The following CCR5AS variants were observed in gnomAD, a reference collection of about 807,000 sequenced individuals.
The protein encoded by CCR5AS is CCR5 antisense RNA.
At chr3:46,364,677 T>C (rs1271335849) in exon 4 of CCR5AS, among the ~76,000 whole-genome samples, 6 of 152,012 alleles carry the variant, frequency 3.9e-5, no homozygotes, top group Non-Finnish European at 8.8e-5. Flanking sequence ...ATAGCTACCA[T>C]TGATAGTGAT....
chr3:46,399,944 T>C (rs1701992427), intron 1 of CCR5AS, among the ~76,000 whole-genome samples: 1 of 152,162 alleles, frequency 6.6e-6, no homozygotes, highest in Admixed American at 6.5e-5. Flanking sequence ...TAGTTGAAGA[T>C]CTTAAATTAC....
At chr3:46,365,607 T>C (rs1156290792) in intron 3 of CCR5AS, among the ~76,000 whole-genome samples, 1 of 152,210 alleles carries the variant, frequency 6.6e-6, no homozygotes, top group African/African-American at 2.4e-5. Flanking sequence ...AACTGGCCAC[T>C]GCCACAGTCC....
chr3:46,401,630 G>A lies in CCR5AS; in HGVS notation n.163+5267C>T, dbSNP rs1702006621. ...ATGGAGTGGGAGCAGCCCACGGAGG[G>A]CACAGCCTTGGCATGAACGCAGACA... On this transcript the variant is annotated intron_variant and non_coding_transcript_variant, in intron 1 of 3. Transcript: ENST00000451485. Among the ~76,000 whole-genome samples the A allele has an allele frequency of 2.6e-5, 4 of 152,342 alleles. No homozygotes were observed. In the South Asian group the frequency reaches 6.2e-4, roughly 24 times the overall value.
chr3:46,374,216 T>C (rs998083568), intron 2 of CCR5AS: 11 of 343,966 alleles, frequency 3.2e-5, no homozygotes, highest in Middle Eastern at 8.1e-4. Flanking sequence ...TTCACATGCA[T>C]CAAGTTATTG....
At chr3:46,405,654 G>A (rs889251293) in intron 1 of CCR5AS, among the ~76,000 whole-genome samples, 4 of 152,044 alleles carry the variant, frequency 2.6e-5, no homozygotes, top group Non-Finnish European at 4.4e-5. Context: ...ACTCACAGGA[G>A]ACCCACACAA....
chr3:46,391,584 G>A (rs1701914737), intron 2 of CCR5AS, among the ~76,000 whole-genome samples: 1 of 152,170 alleles, frequency 6.6e-6, no homozygotes, highest in African/African-American at 2.4e-5. Flanking sequence ...ATGAAAAAGA[G>A]CCTAAACGCT....
chr3:46,398,554 C>A (rs17782618), intron 1 of CCR5AS, among the ~76,000 whole-genome samples: 10,432 of 152,164 alleles, frequency 0.069, 536 homozygotes, highest in South Asian at 0.2. Flanking sequence ...AGAGCCAATT[C>A]GGTATATACA....
intron 1 of CCR5AS, among the ~76,000 whole-genome samples, chr3:46,396,134 A>G (rs561519670): frequency 3.3e-5 from 5 of 152,298 alleles, no homozygotes; most frequent in Admixed American, 6.5e-5. Flanking sequence ...TACTAAAGGG[A>G]ATATTTTTTA....
At chr3:46,393,509 A>T (rs975294998) in intron 1 of CCR5AS, among the ~76,000 whole-genome samples, 5 of 152,138 alleles carry the variant, frequency 3.3e-5, no homozygotes, top group Admixed American at 2.0e-4. Context: ...GAAGAAAAAA[A>T]AATTTTTTTT....
At chr3:46,399,073 T>G (rs553075634) in intron 1 of CCR5AS, among the ~76,000 whole-genome samples, 1 of 152,228 alleles carries the variant, frequency 6.6e-6, no homozygotes, top group African/African-American at 2.4e-5. Context: ...TACACTACAC[T>G]GTCATCTTCA....
intron 2 of CCR5AS, chr3:46,372,825 G>A: frequency 2.7e-6 from 3 of 1,092,562 alleles, no homozygotes; most frequent in Non-Finnish European, 4.0e-6. Context: ...AAAACAGTTT[G>A]CATTCATGGA....
intron 2 of CCR5AS, among the ~76,000 whole-genome samples, chr3:46,390,170 G>T (rs926734622): frequency 6.6e-6 from 1 of 152,176 alleles, no homozygotes; most frequent in Non-Finnish European, 1.5e-5. Context: ...GAGTTGTTGG[G>T]ACTGGTGGGT....
At chr3:46,397,501 A>G (rs1701970921) in intron 1 of CCR5AS, among the ~76,000 whole-genome samples, 1 of 152,218 alleles carries the variant, frequency 6.6e-6, no homozygotes, top group African/African-American at 2.4e-5. Flanking sequence ...GCCTGGTGCC[A>G]GTGAGAGCAG....
intron 2 of CCR5AS, among the ~76,000 whole-genome samples, chr3:46,377,790 CT>C (rs1294557122): frequency 6.6e-6 from 1 of 152,074 alleles, no homozygotes; most frequent in Non-Finnish European, 1.5e-5. Context: ...ACTGCAACCA[CT>C]GCCTCCCGGG....
intron 1 of CCR5AS, among the ~76,000 whole-genome samples, chr3:46,397,036 CCT>C (rs1371849311): frequency 6.6e-6 from 1 of 152,238 alleles, no homozygotes; most frequent in African/African-American, 2.4e-5. Flanking sequence ...CCCTCAAGAA[CCT>C]GAAAAGCAGA....
chr3:46,367,128 A>T (rs1701607081), intron 3 of CCR5AS, among the ~76,000 whole-genome samples: 1 of 152,194 alleles, frequency 6.6e-6, no homozygotes, highest in African/African-American at 2.4e-5. Flanking sequence ...AGGCTTATTT[A>T]ATCTCTATGA....
intron 1 of CCR5AS, among the ~76,000 whole-genome samples, chr3:46,404,721 G>A (rs965500936): frequency 1.3e-5 from 2 of 152,042 alleles, no homozygotes; most frequent in Non-Finnish European, 2.9e-5. Flanking sequence ...TCCCTGCTTC[G>A]CCTTCTCCAT....
chr3:46,397,176 G>A (rs923039569), intron 1 of CCR5AS, among the ~76,000 whole-genome samples: 1 of 151,848 alleles, frequency 6.6e-6, no homozygotes, highest in Non-Finnish European at 1.5e-5. Context: ...GAGCCAGGCC[G>A]GGTGCTCTTG....
At position 46,396,989 on chromosome 3, in the gene CCR5AS, C is replaced by G. The variant is rs748470729; in HGVS notation, n.164-3937G>C. ...TGTCACCACCTTGAATTCTATCACT[C>G]TCTCTTTTCTTGCCCCATCTCTGAC... On this transcript the variant is annotated intron_variant and non_coding_transcript_variant, in intron 1 of 3. Coordinates refer to ENST00000451485, the Ensembl canonical transcript of CCR5AS. Among the ~76,000 whole-genome samples the G allele has an allele frequency of 2.0e-5, 3 of 152,238 alleles. 1 individual carries two copies. The highest frequency in any genetic ancestry group is 7.2e-5 in the African/African-American group (3 of 41,448).
Sources: gnomAD v4.1 joint callset for allele counts (sites outside exome capture counted in the v4.1 genomes callset) on GRCh38, gnomAD v4.1.1 for gene constraint, MANE v1.5 for transcripts, NCBI Gene and HGNC (gene_info 2026-07-23, HGNC 2026-07-21) for gene names.